Variants in ZNF608 observed in about 807,000 individuals in gnomAD.
ZNF608 encodes the protein zinc finger protein 608, also known as renal carcinoma antigen NY-REN-36.
A neutral mutation model predicts 109.0 loss-of-function variants in ZNF608; 12 were observed. The observed-to-expected ratio is 0.11, with a 90% CI of 0.07 to 0.18. The LOEUF (loss-of-function observed/expected upper bound fraction) is 0.18, where lower values mean the gene tolerates loss of function less well. Among genes scored for constraint, ZNF608 ranks in the 10% least tolerant of loss-of-function variants. ZNF608 has a pLI of 1.00. For missense variants in ZNF608, 1,707 were observed against 1,879.3 expected (o/e 0.91, Z 1.70); for synonymous variants, 732 against 717.4 (o/e 1.02, Z -0.33).
At chr5:124,674,374 T>C (rs1432665777) in intron 3 of ZNF608, among the ~76,000 whole-genome samples, 1 of 152,208 alleles carries the variant, frequency 6.6e-6, no homozygotes, top group African/African-American at 2.4e-5. Context: ...GGGGCCCAAA[T>C]ATCAGTAGGT....
intron 2 of ZNF608, among the ~76,000 whole-genome samples, chr5:124,720,284 C>A (rs1276444553): frequency 6.6e-6 from 1 of 152,180 alleles, no homozygotes; most frequent in Non-Finnish European, 1.5e-5. Context: ...TAGAAGCTCA[C>A]CACAAAAGAT....
At chr5:124,681,883 C>T (rs1167788088) in intron 3 of ZNF608, among the ~76,000 whole-genome samples, 5 of 152,146 alleles carry the variant, frequency 3.3e-5, no homozygotes, top group South Asian at 2.1e-4. Context: ...TTGGACTCCT[C>T]GGAGACAACA....
intron 3 of ZNF608, among the ~76,000 whole-genome samples, chr5:124,670,632 A>G (rs1195887654): frequency 2.6e-5 from 4 of 152,118 alleles, no homozygotes; most frequent in African/African-American, 9.7e-5. Flanking sequence ...GAATCAGTTA[A>G]CCAGTACACT....
At chr5:124,683,452 G>A (rs1406624386) in intron 3 of ZNF608, among the ~76,000 whole-genome samples, 1 of 152,162 alleles carries the variant, frequency 6.6e-6, no homozygotes, top group Admixed American at 6.5e-5. Flanking sequence ...GGGTGAGTAA[G>A]GGAGCTAAAT....
intron 2 of ZNF608, among the ~76,000 whole-genome samples, chr5:124,739,553 G>A (rs1213616323): frequency 6.6e-6 from 1 of 152,172 alleles, no homozygotes; most frequent in Non-Finnish European, 1.5e-5. Context: ...AAAGCTGACC[G>A]CTCATTGTGA....
intron 3 of ZNF608, among the ~76,000 whole-genome samples, chr5:124,652,371 T>C (rs1415000509): frequency 6.6e-6 from 1 of 152,210 alleles, no homozygotes; most frequent in African/African-American, 2.4e-5. Flanking sequence ...AAGCACTCCG[T>C]ATTTAAAATG....
In ZNF608 at chr5:124,744,664, C is replaced by A; in HGVS notation, c.326G>T (p.Ser109Ile). 6.2e-7 allele frequency: 1 copy of A among 1,614,188 alleles called. No homozygotes were observed. Among genetic ancestry groups the A allele is most frequent in the Non-Finnish European group, 8.5e-7 (1 of 1,180,032 alleles). The change falls in exon 2 of 10, where the codon AGT (serine) becomes ATT (isoleucine). Residue 109 changes from serine (S) to isoleucine (I), a missense_variant. Transcript: ENST00000513986. This position sits in a 1 kb window ranked among gnomAD's most constrained non-coding sequence, Gnocchi z 4.5. Reference protein sequence around the residue: ...KETSKSKVKRSKTSKDANKSL... With the variant: ...KETSKSKVKRIKTSKDANKSL... ...TTTATTAGCATCCTTAGAAGTTTTA[C>A]TCCTTTTCACTTTTGATTTGCTGGT...
At chr5:124,679,456 CTTCT>C (rs1752101080) in intron 3 of ZNF608, among the ~76,000 whole-genome samples, 1 of 150,056 alleles carries the variant, frequency 6.7e-6, no homozygotes, top group Non-Finnish European at 1.5e-5. Context: ...TCCTTCCTTC[CTTCT>C]GTCCTTCCTT....
intron 2 of ZNF608, among the ~76,000 whole-genome samples, chr5:124,717,123 C>T (rs1041830415): frequency 6.6e-6 from 1 of 151,970 alleles, no homozygotes; most frequent in Non-Finnish European, 1.5e-5. Context: ...CCCTCTGACA[C>T]ATTTTAAAAT....
chr5:124,700,990 T>C (rs764864403), intron 3 of ZNF608, 24 bp downstream of exon 3: 2 of 1,611,028 alleles, frequency 1.2e-6, no homozygotes, highest in Admixed American at 3.3e-5. Context: ...CATCGGGAAA[T>C]ATATAAAAAT....
At chr5:124,667,257 G>A (rs530320110) in intron 3 of ZNF608, among the ~76,000 whole-genome samples, 4 of 152,220 alleles carry the variant, frequency 2.6e-5, no homozygotes, top group Admixed American at 2.6e-4. Context: ...GAGGAATGGT[G>A]GGGGGCAAGA....
intron 3 of ZNF608, among the ~76,000 whole-genome samples, chr5:124,664,255 T>C (rs1751388924): frequency 6.6e-6 from 1 of 152,178 alleles, no homozygotes; most frequent in Admixed American, 6.5e-5. Context: ...TTTTAAGTCT[T>C]GAGTTAATAA....
At chr5:124,656,020 C>G (rs1750988543) in intron 3 of ZNF608, among the ~76,000 whole-genome samples, 1 of 152,122 alleles carries the variant, frequency 6.6e-6, no homozygotes. Context: ...TGTCACATGA[C>G]CATAAAATGC....
At chr5:124,739,582 T>C (rs1289459616) in intron 2 of ZNF608, among the ~76,000 whole-genome samples, 1 of 152,236 alleles carries the variant, frequency 6.6e-6, no homozygotes, top group Non-Finnish European at 1.5e-5. Context: ...AGGAACTGTA[T>C]AACCATTATA....
intron 2 of ZNF608, among the ~76,000 whole-genome samples, chr5:124,732,572 A>G (rs1748958418): frequency 1.3e-5 from 2 of 151,666 alleles, no homozygotes; most frequent in South Asian, 4.2e-4. Context: ...ACATACTGAC[A>G]TTCAGGCTGC....
rs773282229 is a variant in ZNF608 at position 124,648,323 on chromosome 5, C to G, written c.2061G>C (p.Ser687=). 4.3e-6 allele frequency: 7 copies of G among 1,614,040 alleles called. No homozygotes were observed. The African/African-American group carries it at 9.3e-5, about 22-fold the overall frequency. ...CAGCAGCCAAACTGCCGTCTGCTGCCGAGCAACTGTCTAACGCAGCCGTCA... is the reference window on the plus strand; with the variant it reads ...CAGCAGCCAAACTGCCGTCTGCTGCGGAGCAACTGTCTAACGCAGCCGTCA... ...SNMTAALDSC[S]AADGSLAAEM... is the part of the protein sequence containing the mutation. Residue 687 remains serine, a synonymous_variant, in exon 5 of 10, where the codon TCG becomes TCC. Transcript: ENST00000513986.
intron 2 of ZNF608, among the ~76,000 whole-genome samples, chr5:124,702,376 A>C (rs1472409254): frequency 1.3e-5 from 2 of 152,132 alleles, no homozygotes; most frequent in African/African-American, 4.8e-5. Context: ...CAAATCCTAT[A>C]TGTAAAAAGG....
chr5:124,638,751 A>G, intron 9 of ZNF608: 1 of 783,124 alleles, frequency 1.3e-6, no homozygotes, highest in Non-Finnish European at 1.6e-6. Flanking sequence ...AACTTAGGGA[A>G]TAATTTAAAA....
intron 2 of ZNF608, among the ~76,000 whole-genome samples, chr5:124,707,325 G>A (rs3860117): frequency 0.3 from 46,346 of 152,022 alleles, 8,032 homozygotes; most frequent in African/African-American, 0.47. Context: ...CAGGACTGCC[G>A]AGAAGCAAGC....
Sources: gnomAD v4.1 joint callset for allele counts (sites outside exome capture counted in the v4.1 genomes callset) on GRCh38, gnomAD v4.1.1 for gene constraint, Gnocchi (gnomAD v3.1) non-coding constraint, MANE v1.5 for transcripts, NCBI Gene and HGNC (gene_info 2026-07-23, HGNC 2026-07-21) for gene names.